Variants in VPS45 observed in about 807,000 individuals in gnomAD.
VPS45 encodes vacuolar protein sorting 45 homolog, also known as vacuolar protein sorting-associated protein 45.
Under a neutral mutation model 75.9 loss-of-function variants are expected in VPS45, and 35 were observed. That is an observed-to-expected ratio of 0.46 (90% CI 0.35 to 0.61). VPS45 has a LOEUF of 0.61. Among genes scored for constraint, VPS45 ranks in the 20% least tolerant of loss-of-function variants. The probability of loss-of-function intolerance (pLI) is 0.00; values close to 1 mark genes in which losing one functional copy is unlikely to be tolerated. For synonymous variants in VPS45, 220 were observed against 238.2 expected (o/e 0.92, Z 0.70); for missense variants, 559 against 685.9 (o/e 0.81, Z 2.07).
At chr1:150,103,624 A>T (rs2101593739) in intron 13 of VPS45, among the ~76,000 whole-genome samples, 1 of 152,312 alleles carries the variant, frequency 6.6e-6, no homozygotes, top group South Asian at 2.1e-4. Flanking sequence ...CCCTGAAATG[A>T]TCAGACTGAA....
chr1:150,119,954 C>T (rs1658146874), intron 14 of VPS45, among the ~76,000 whole-genome samples: 1 of 152,072 alleles, frequency 6.6e-6, no homozygotes, highest in Admixed American at 6.6e-5. Flanking sequence ...ACTAAAAATA[C>T]AGAATTAGCC....
chr1:150,119,124 C>T (rs1658098022), intron 14 of VPS45, among the ~76,000 whole-genome samples: 1 of 152,088 alleles, frequency 6.6e-6, no homozygotes, highest in Non-Finnish European at 1.5e-5. Flanking sequence ...ATTGTGAAGG[C>T]TTAAGTAACT....
chr1:150,134,295 T>TTAG (rs1255578899), intron 14 of VPS45, among the ~76,000 whole-genome samples: 1 of 152,242 alleles, frequency 6.6e-6, no homozygotes, highest in Non-Finnish European at 1.5e-5. Context: ...AAAACTCATA[T>TTAG]TAGCATATTA....
At chr1:150,071,781 T>G (rs1300424849) in intron 2 of VPS45, among the ~76,000 whole-genome samples, 1 of 52,858 alleles carries the variant, frequency 1.9e-5, no homozygotes, top group Non-Finnish European at 3.4e-5. Context: ...GAGTGAGACT[T>G]AATCTCAAAA....
chr1:150,102,525 G>A (rs766648621), intron 13 of VPS45, among the ~76,000 whole-genome samples: 5 of 142,036 alleles, frequency 3.5e-5, no homozygotes, highest in Non-Finnish European at 7.5e-5. Context: ...TTCCAGCCTG[G>A]GCAATGAACG....
chr1:150,089,617 C>T (rs2101559411), intron 10 of VPS45, among the ~76,000 whole-genome samples: 1 of 152,268 alleles, frequency 6.6e-6, no homozygotes, highest in Middle Eastern at 3.4e-3. Context: ...CTACCTCGAC[C>T]TCACAAATTG....
At chr1:150,110,651 A>C in intron 14 of VPS45, 24 bp downstream of exon 14, 1 of 1,565,142 alleles carries the variant, frequency 6.4e-7, no homozygotes, top group Non-Finnish European at 8.7e-7. Flanking sequence ...TTCATTCTAC[A>C]ACTGTGTCCT....
chr1:150,135,795 C>G (rs1167559924), intron 14 of VPS45, among the ~76,000 whole-genome samples: 1 of 151,514 alleles, frequency 6.6e-6, no homozygotes, highest in African/African-American at 2.4e-5. Flanking sequence ...CATGTCATCC[C>G]ACCTGGCTAA....
chr1:150,141,391 AT>A (rs1291553588), intron 14 of VPS45, among the ~76,000 whole-genome samples: 2 of 152,230 alleles, frequency 1.3e-5, no homozygotes, highest in Non-Finnish European at 1.5e-5. Context: ...CTTAAATTAT[AT>A]ACACATACAC....
intron 13 of VPS45, among the ~76,000 whole-genome samples, chr1:150,105,013 A>G (rs1178454087): frequency 6.6e-6 from 1 of 152,222 alleles, no homozygotes; most frequent in Admixed American, 6.5e-5. Flanking sequence ...AGCTAGTTCC[A>G]TAATGTTTTC....
chr1:150,097,082 ATTTC>A (rs1656694887), intron 13 of VPS45, among the ~76,000 whole-genome samples: 2 of 26,580 alleles, frequency 7.5e-5, no homozygotes, highest in Non-Finnish European at 5.6e-5. Flanking sequence ...ATGTTGTAAC[ATTTC>A]TTTCTTTTTT....
intron 10 of VPS45, among the ~76,000 whole-genome samples, chr1:150,085,426 T>A (rs1258107261): frequency 2.0e-5 from 3 of 152,176 alleles, no homozygotes; most frequent in Non-Finnish European, 4.4e-5. Context: ...TTTAAAAATA[T>A]AAATTCTATT....
At chr1:150,102,671 C>T (rs1304687244) in intron 13 of VPS45, among the ~76,000 whole-genome samples, 4 of 152,012 alleles carry the variant, frequency 2.6e-5, no homozygotes, top group Admixed American at 2.6e-4. Context: ...ACATATACAC[C>T]ATGGAATGTT....
intron 7 of VPS45, 26 bp downstream of exon 7, chr1:150,077,805 A>G: frequency 6.5e-7 from 1 of 1,541,302 alleles, no homozygotes; most frequent in Non-Finnish European, 9.0e-7. Context: ...TTGGCATAAT[A>G]GAAGGATAAT....
At chr1:150,096,613 A>T (rs1553803066) in intron 13 of VPS45, among the ~76,000 whole-genome samples, 1 of 152,222 alleles carries the variant, frequency 6.6e-6, no homozygotes, top group East Asian at 1.9e-4. Context: ...CAAATAAGCC[A>T]GAGCTAAAGT....
In VPS45 at chr1:150,081,798, GT is replaced by G. The variant is rs2101535440; in HGVS notation, c.823-85del. ...TAGAATTTCCCTGCCCTTCAATTCT[GT>G]GTTCCAAATTCTTTTTCACTTCTTT... On this transcript the variant is annotated intron_variant, in intron 8 of 14. Coordinates refer to ENST00000644510, the MANE Select transcript of VPS45 (RefSeq NM_007259.5). 3 of 849,782 alleles carry G rather than the reference GT, an allele frequency of 3.5e-6. No individual in the cohort carries two copies. The East Asian group carries it at 7.9e-5, about 22-fold the overall frequency. The allele number at this position is 849,782 out of a possible 1,614,324, so 52.6% of individuals were successfully genotyped here. A position where few individuals can be genotyped will look rare whatever the true frequency, so the allele number is the denominator to read the frequency against.
chr1:150,112,659 T>C (rs1553807391), intron 14 of VPS45, among the ~76,000 whole-genome samples: 1 of 152,106 alleles, frequency 6.6e-6, no homozygotes, highest in Admixed American at 6.5e-5. Context: ...CTACCTGGAG[T>C]TAGCATCTCA....
chr1:150,091,920 G>GTTCTATCTTTC lies in VPS45; in HGVS notation c.1105-13_1105-3dup. 6.2e-7 allele frequency: 1 copy of GTTCTATCTTTC among 1,609,918 alleles called. No individual in the cohort carries two copies. The highest frequency in any genetic ancestry group is 8.5e-7 in the Non-Finnish European group (1 of 1,178,458). On this transcript the variant is annotated splice_polypyrimidine_tract_variant and intron_variant, in intron 10 of 14. Coordinates refer to ENST00000644510, the MANE Select transcript of VPS45 (RefSeq NM_007259.5). ...TCAAGTGAAAGGGGGATAAATATAA[G>GTTCTATCTTTC]TTCTATCTTTCTTCAGAATATAAAA...
At chr1:150,069,410 T>G (rs1285930730) in intron 2 of VPS45, among the ~76,000 whole-genome samples, 1 of 152,014 alleles carries the variant, frequency 6.6e-6, no homozygotes, top group East Asian at 1.9e-4. Flanking sequence ...AAATCTAGCT[T>G]GAGTCTCTCC....
Sources: allele counts gnomAD v4.1 joint callset (sites outside exome capture counted in the v4.1 genomes callset), GRCh38; gene constraint gnomAD v4.1.1; transcripts MANE v1.5; gene names NCBI Gene and HGNC (gene_info 2026-07-23, HGNC 2026-07-21).